Variants in GRIA4 observed in about 807,000 individuals in gnomAD.
GRIA4 encodes glutamate receptor 4.
Under a neutral mutation model 104.0 loss-of-function variants are expected in GRIA4, and 34 were observed. The ratio of observed to expected loss-of-function variants is 0.33; its 90% CI spans 0.25 to 0.44. The LOEUF (loss-of-function observed/expected upper bound fraction) is 0.44, where lower values mean the gene tolerates loss of function less well. Among genes scored for constraint, GRIA4 ranks in the 20% least tolerant of loss-of-function variants. The probability of loss-of-function intolerance (pLI) is 1.00; values close to 1 mark genes in which losing one functional copy is unlikely to be tolerated. For synonymous variants in GRIA4, 386 were observed against 381.9 expected (o/e 1.01, Z -0.13); for missense variants, 750 against 1,096.5 (o/e 0.68, Z 4.46).
chr11:105,881,353 T>G (rs1483578518), intron 5 of GRIA4, among the ~76,000 whole-genome samples: 1 of 152,140 alleles, frequency 6.6e-6, no homozygotes, highest in Non-Finnish European at 1.5e-5. Context: ...GCAAGGAAAT[T>G]CAGGTGCTGG....
chr11:105,953,119 T>C (rs757427482), intron 14 of GRIA4, among the ~76,000 whole-genome samples: 2 of 152,196 alleles, frequency 1.3e-5, no homozygotes, highest in Non-Finnish European at 2.9e-5. Context: ...TAGTGGAGCA[T>C]TGATAATGCT....
intron 10 of GRIA4, among the ~76,000 whole-genome samples, chr11:105,916,335 C>T (rs1947402258): frequency 6.6e-6 from 1 of 152,138 alleles, no homozygotes; most frequent in Non-Finnish European, 1.5e-5. Flanking sequence ...CCTCAATGTG[C>T]CAGTGTCAAA....
At chr11:105,695,683 CTTTATATAGTTATATTTATTTTTGT>C (rs1164109352) in intron 3 of GRIA4, among the ~76,000 whole-genome samples, 1 of 151,996 alleles carries the variant, frequency 6.6e-6, no homozygotes, top group Non-Finnish European at 1.5e-5. Flanking sequence ...GTCCTTTTTT[CTTTATATAGTTATATTTATTTTTGT>C]TTGCTAAATG....
chr11:105,674,238 T>G (rs1952465119), intron 3 of GRIA4, among the ~76,000 whole-genome samples: 1 of 151,996 alleles, frequency 6.6e-6, no homozygotes, highest in Non-Finnish European at 1.5e-5. Context: ...GCCTGGTGTT[T>G]TAACATTTTA....
intron 3 of GRIA4, among the ~76,000 whole-genome samples, chr11:105,703,521 A>G (rs1170527819): frequency 1.3e-5 from 2 of 152,220 alleles, no homozygotes; most frequent in Non-Finnish European, 2.9e-5. Flanking sequence ...AGTACAAAAT[A>G]CAATTTTTTA....
At chr11:105,844,172 C>T (rs553026972) in intron 4 of GRIA4, among the ~76,000 whole-genome samples, 119 of 152,242 alleles carry the variant, frequency 7.8e-4, no homozygotes, top group Non-Finnish European at 1.5e-3. Flanking sequence ...CAAAGTTAAA[C>T]ATTGTTGAGC....
intron 14 of GRIA4, among the ~76,000 whole-genome samples, chr11:105,948,341 T>C (rs1591477063): frequency 6.6e-6 from 1 of 152,102 alleles, no homozygotes. Context: ...TATTTTTAAA[T>C]TTTTACTCTC....
At chr11:105,869,937 A>G (rs1945554242) in intron 5 of GRIA4, among the ~76,000 whole-genome samples, 1 of 152,110 alleles carries the variant, frequency 6.6e-6, no homozygotes, top group African/African-American at 2.4e-5. Context: ...ATTTTTACCA[A>G]AATAATAATG....
chr11:105,804,109 T>C (rs1181213427), intron 4 of GRIA4, among the ~76,000 whole-genome samples: 1 of 151,964 alleles, frequency 6.6e-6, no homozygotes, highest in East Asian at 1.9e-4. Context: ...TTATTTAACA[T>C]GCAGATTGGT....
At chr11:105,839,943 A>G (rs1482474818) in intron 4 of GRIA4, among the ~76,000 whole-genome samples, 1 of 152,248 alleles carries the variant, frequency 6.6e-6, no homozygotes, top group East Asian at 1.9e-4. Context: ...TTTTATTTAT[A>G]GGTAAAGGAA....
At chr11:105,832,739 G>A (rs899830397) in intron 4 of GRIA4, among the ~76,000 whole-genome samples, 2 of 152,134 alleles carry the variant, frequency 1.3e-5, no homozygotes, top group South Asian at 4.1e-4. Flanking sequence ...ATCAGCCTTA[G>A]CAGAGAAGAT....
intron 4 of GRIA4, among the ~76,000 whole-genome samples, chr11:105,767,416 A>G (rs17478710): frequency 0.31 from 47,853 of 152,018 alleles, 8,837 homozygotes; most frequent in Non-Finnish European, 0.42. Context: ...GTTATTAAAG[A>G]TGCCTAAAAA....
At chr11:105,789,377 A>T (rs188344290) in intron 4 of GRIA4, among the ~76,000 whole-genome samples, 2 of 152,278 alleles carry the variant, frequency 1.3e-5, no homozygotes, top group Admixed American at 1.3e-4. Flanking sequence ...TTCCAAGATG[A>T]TTCAAGCCCC....
chr11:105,834,885 C>G, intron 4 of GRIA4, among the ~76,000 whole-genome samples: 1 of 151,790 alleles, frequency 6.6e-6, no homozygotes, highest in Non-Finnish European at 1.5e-5. Flanking sequence ...TGCAAATAGT[C>G]TTCAATAAAT....
chr11:105,926,958 T>A lies in GRIA4; in HGVS notation c.2046+19T>A. The A allele has an allele frequency of 6.6e-7, 1 of 1,521,150 alleles. No homozygotes were observed. Among genetic ancestry groups the A allele is most frequent in the Non-Finnish European group, 9.1e-7 (1 of 1,097,998 alleles). The allele number at this position is 1,521,150 out of a possible 1,614,324, so 94.2% of individuals were successfully genotyped here. A position where few individuals can be genotyped will look rare whatever the true frequency, so the allele number is the denominator to read the frequency against. ...CTTCAGAGTAAGTTAAGGGAAAAAC[T>A]AAAAATGAAATGTTTATCATTTTGA... On this transcript the variant is annotated intron_variant, in intron 13 of 16. Coordinates refer to ENST00000282499, the MANE Select transcript of GRIA4 (RefSeq NM_000829.4).
At chr11:105,883,280 T>C (rs1000824732) in intron 5 of GRIA4, among the ~76,000 whole-genome samples, 1 of 151,752 alleles carries the variant, frequency 6.6e-6, no homozygotes, top group African/African-American at 2.4e-5. Flanking sequence ...CCGTTTCTTT[T>C]TTTTTTTTTT....
intron 11 of GRIA4, among the ~76,000 whole-genome samples, chr11:105,921,519 C>T (rs1231860054): frequency 6.6e-6 from 1 of 152,144 alleles, no homozygotes; most frequent in African/African-American, 2.4e-5. Context: ...TAACCTATCT[C>T]TACTAGTCTC....
At chr11:105,778,648 T>C (rs1236950430) in intron 4 of GRIA4, among the ~76,000 whole-genome samples, 1 of 152,106 alleles carries the variant, frequency 6.6e-6, no homozygotes, top group Non-Finnish European at 1.5e-5. Flanking sequence ...GAGGTTGCAG[T>C]GAGCTGAGAT....
chr11:105,760,565 C>T (rs993803872), intron 4 of GRIA4, among the ~76,000 whole-genome samples: 14 of 152,234 alleles, frequency 9.2e-5, no homozygotes, highest in South Asian at 4.1e-4. Flanking sequence ...TGATGCAGAA[C>T]ATGACATATT....
Sources: allele counts gnomAD v4.1 joint callset (sites outside exome capture counted in the v4.1 genomes callset), GRCh38; gene constraint gnomAD v4.1.1; transcripts MANE v1.5; gene names NCBI Gene and HGNC (gene_info 2026-07-23, HGNC 2026-07-21).